The following CGNL1 variants were observed in gnomAD, a reference collection of about 807,000 sequenced individuals.
The protein encoded by CGNL1 is cingulin-like protein 1.
In CGNL1, 132 loss-of-function variants were observed where a neutral mutation model predicts 141.2. The observed-to-expected ratio is 0.93, with a 90% CI of 0.81 to 1.08. CGNL1 has a LOEUF of 1.08. Ranked by LOEUF, CGNL1 falls within the 50% of genes least tolerant of loss-of-function variation. The pLI, the probability that CGNL1 is intolerant of heterozygous loss-of-function variation, is 0.00. For missense variants in CGNL1, 1,870 were observed against 1,588.6 expected, an observed-to-expected ratio of 1.18 and a Z score of -3.01; for synonymous variants, 690 against 622.1, an observed-to-expected ratio of 1.11 and a Z score of -1.63.
At chr15:57,394,252 T>C (rs2062578273) in intron 1 of CGNL1, among the ~76,000 whole-genome samples, 1 of 151,774 alleles carries the variant, frequency 6.6e-6, no homozygotes, top group Non-Finnish European at 1.5e-5. Context: ...CCTGCCTGAG[T>C]AGCTGGGATT....
chr15:57,406,430 G>A (rs1595669866), intron 1 of CGNL1, among the ~76,000 whole-genome samples: 1 of 152,206 alleles, frequency 6.6e-6, no homozygotes, highest in African/African-American at 2.4e-5. Flanking sequence ...TTACAGGCTG[G>A]CATAAGGGTT....
chr15:57,529,732 C>T (rs2140168761), intron 13 of CGNL1, among the ~76,000 whole-genome samples: 1 of 152,282 alleles, frequency 6.6e-6, no homozygotes, highest in Non-Finnish European at 1.5e-5. Context: ...AAAGACAGTG[C>T]TCAAGGCCAT....
At position 57,457,947 on chromosome 15, in the gene CGNL1, A is replaced by G. The variant is rs61344635; in HGVS notation, c.2191-3733A>G. Reference sequence around the variant, plus strand: ...TATGTGGTTTTGTGGTCAGGTCTGTACTGACCATAGTGAAGGGAAAGGGCA... The same window carrying G: ...TATGTGGTTTTGTGGTCAGGTCTGTGCTGACCATAGTGAAGGGAAAGGGCA... On this transcript the variant is annotated intron_variant, in intron 7 of 18. Transcript: ENST00000281282. Among the ~76,000 whole-genome samples, 1,112 of 152,236 alleles carry G rather than the reference A, an allele frequency of 7.3e-3. 10 individuals are homozygous for G. The highest frequency in any genetic ancestry group is 0.023 in the African/African-American group (956 of 41,526).
chr15:57,531,661 G>A, intron 13 of CGNL1, 29 bp from the exon 14 acceptor site: 1 of 1,480,826 alleles, frequency 6.8e-7, no homozygotes, highest in Non-Finnish European at 9.4e-7. Flanking sequence ...TGCAAGTTAA[G>A]TCAACTGTGT....
chr15:57,429,032 C>T (rs886634934), intron 1 of CGNL1, among the ~76,000 whole-genome samples: 3 of 138,648 alleles, frequency 2.2e-5, no homozygotes, highest in African/African-American at 7.5e-5. Context: ...AAAACAACAA[C>T]AGCAATAAAA....
At chr15:57,472,367 G>A (rs918997065) in intron 8 of CGNL1, among the ~76,000 whole-genome samples, 2 of 152,140 alleles carry the variant, frequency 1.3e-5, no homozygotes, top group Admixed American at 1.3e-4. Flanking sequence ...AGCAGATAGG[G>A]AACAGCTCAT....
At chr15:57,412,270 A>G (rs2062797773) in intron 1 of CGNL1, among the ~76,000 whole-genome samples, 1 of 152,216 alleles carries the variant, frequency 6.6e-6, no homozygotes, top group Non-Finnish European at 1.5e-5. Context: ...AGGCAGCTTC[A>G]CTCAGCAGGG....
chr15:57,428,060 T>A (rs969348458), intron 1 of CGNL1, among the ~76,000 whole-genome samples: 4 of 152,240 alleles, frequency 2.6e-5, no homozygotes, highest in Admixed American at 2.0e-4. Context: ...GTTCATTCAT[T>A]TATGTGTGAA....
chr15:57,493,458 A>T (rs1385649436), intron 8 of CGNL1, among the ~76,000 whole-genome samples: 4 of 152,234 alleles, frequency 2.6e-5, no homozygotes, highest in Admixed American at 1.3e-4. Context: ...ACGTGACCCA[A>T]AGCAGGCAGA....
intron 13 of CGNL1, among the ~76,000 whole-genome samples, chr15:57,530,105 CT>C (rs1439861620): frequency 2.6e-5 from 4 of 152,212 alleles, no homozygotes; most frequent in Non-Finnish European, 5.9e-5. Flanking sequence ...GAGGAAGAAC[CT>C]TTGGAGTAAT....
At chr15:57,502,398 T>C (rs1228381105) in intron 8 of CGNL1, among the ~76,000 whole-genome samples, 3 of 152,242 alleles carry the variant, frequency 2.0e-5, no homozygotes, top group East Asian at 1.9e-4. Flanking sequence ...GAATGGCTGC[T>C]TATCTTCCAC....
chr15:57,385,484 C>A (rs1393698328), intron 1 of CGNL1, among the ~76,000 whole-genome samples: 1 of 152,202 alleles, frequency 6.6e-6, no homozygotes, highest in Non-Finnish European at 1.5e-5. Flanking sequence ...GCACTCCAGC[C>A]TGGGTGACAG....
rs146321704 is a variant in CGNL1 at position 57,416,184 on chromosome 15, C to T, written c.-15-21801C>T. ...CCCCTTGAAGCAGCCACCCTCTTTT[C>T]GATTTGCTCAGTGTTTTTTTTTTTT... On this transcript the variant is annotated intron_variant, in intron 1 of 18. Transcript: ENST00000281282. Among the ~76,000 whole-genome samples, 141 of 143,914 alleles carry T rather than the reference C, an allele frequency of 9.8e-4. 1 individual carries two copies. The highest frequency in any genetic ancestry group is 3.5e-3 in the African/African-American group (138 of 39,008). The allele number at this position is 143,914 out of a possible 152,430, so 94.4% of individuals were successfully genotyped here.
At chr15:57,538,479 C>A (rs567765765) in intron 14 of CGNL1, among the ~76,000 whole-genome samples, 6 of 152,080 alleles carry the variant, frequency 3.9e-5, no homozygotes, top group East Asian at 1.9e-4. Flanking sequence ...TTTTTGCCCC[C>A]CTTTGGAGAG....
chr15:57,383,705 C>G (rs1326798603), intron 1 of CGNL1, among the ~76,000 whole-genome samples: 22 of 151,470 alleles, frequency 1.5e-4, no homozygotes, highest in Non-Finnish European at 1.5e-5. Flanking sequence ...TCACTGCAGC[C>G]TCAACCTCCC....
chr15:57,384,964 G>A (rs1163618345), intron 1 of CGNL1, among the ~76,000 whole-genome samples: 2 of 152,202 alleles, frequency 1.3e-5, no homozygotes, highest in Non-Finnish European at 1.5e-5. Flanking sequence ...ATAAAAGCAT[G>A]CTGTCTTGTA....
intron 8 of CGNL1, among the ~76,000 whole-genome samples, chr15:57,512,520 G>C (rs1270880222): frequency 6.6e-6 from 1 of 152,030 alleles, no homozygotes; most frequent in Non-Finnish European, 1.5e-5. Flanking sequence ...ATCAAAAAAG[G>C]ACTAAGTGTC....
chr15:57,393,664 TGA>T (rs35449785), intron 1 of CGNL1, among the ~76,000 whole-genome samples: 1 of 151,884 alleles, frequency 6.6e-6, no homozygotes, highest in Non-Finnish European at 1.5e-5. Flanking sequence ...TTAAATTTCT[TGA>T]GAGAGAGAGA....
At chr15:57,469,050 C>T (rs1213820370) in intron 8 of CGNL1, among the ~76,000 whole-genome samples, 1 of 152,038 alleles carries the variant, frequency 6.6e-6, no homozygotes, top group Non-Finnish European at 1.5e-5. Flanking sequence ...TCTTTATCAG[C>T]AGTGTGAAAA....
Sources: gnomAD v4.1 joint callset for allele counts (sites outside exome capture counted in the v4.1 genomes callset) on GRCh38, gnomAD v4.1.1 for gene constraint, MANE v1.5 for transcripts, NCBI Gene and HGNC (gene_info 2026-07-23, HGNC 2026-07-21) for gene names.